The following NHSL1 variants were observed in gnomAD, a reference collection of about 807,000 sequenced individuals.
NHSL1 encodes NHS like 1.
In NHSL1, 48 loss-of-function variants were observed where a neutral mutation model predicts 95.0. The ratio of observed to expected loss-of-function variants is 0.51; its 90% CI spans 0.40 to 0.64. The LOEUF (loss-of-function observed/expected upper bound fraction) is 0.64. Among genes scored for constraint, NHSL1 ranks in the 30% least tolerant of loss-of-function variants. The pLI, the probability that NHSL1 is intolerant of heterozygous loss-of-function variation, is 0.00. For synonymous variants in NHSL1, 783 were observed against 833.9 expected (o/e 0.94, Z 1.05); for missense variants, 1,971 against 2,077.7 (o/e 0.95, Z 1.00).
At chr6:138,569,928 TC>T (rs1475134489) in intron 1 of NHSL1, among the ~76,000 whole-genome samples, 6 of 152,210 alleles carry the variant, frequency 3.9e-5, no homozygotes, top group African/African-American at 1.4e-4. Context: ...CTTCCATTTA[TC>T]TTCATGAAGC....
chr6:138,613,568 G>A (rs946966989), intron 1 of NHSL1, among the ~76,000 whole-genome samples: 1 of 152,170 alleles, frequency 6.6e-6, no homozygotes, highest in African/African-American at 2.4e-5. Flanking sequence ...GTGGAGAGCT[G>A]GAACTGAACA....
intron 1 of NHSL1, among the ~76,000 whole-genome samples, chr6:138,591,507 C>A (rs1784227669): frequency 6.6e-6 from 1 of 152,054 alleles, no homozygotes; most frequent in Non-Finnish European, 1.5e-5. Context: ...GCCTCCACCT[C>A]TAGAGCTCAA....
chr6:138,614,557 C>T (rs985299825), intron 1 of NHSL1, among the ~76,000 whole-genome samples: 1 of 152,228 alleles, frequency 6.6e-6, no homozygotes, highest in African/African-American at 2.4e-5. Context: ...TGAATCCTTT[C>T]AATGACCCTA....
chr6:138,444,592 T>TC, intron 4 of NHSL1, among the ~76,000 whole-genome samples: 1 of 151,960 alleles, frequency 6.6e-6, no homozygotes, highest in Non-Finnish European at 1.5e-5. Flanking sequence ...TTTTTTTTTT[T>TC]TCCTGCTGAG....
chr6:138,442,117 A>G lies in NHSL1; in HGVS notation c.533-3T>C, dbSNP rs1776568783. ...GGCCTGGCGATCGAAATTCTCCCCT[A>G]ATGTAGAGTAGTAGAACAAGCAAAG... is the stretch of plus-strand genomic sequence containing the variant. On this transcript the variant is annotated splice_polypyrimidine_tract_variant and splice_region_variant and intron_variant, in intron 4 of 7. Transcript: ENST00000343505. 1.3e-6 allele frequency: 2 copies of G among 1,546,132 alleles called. No individual in the cohort carries two copies. The highest frequency in any genetic ancestry group is 4.0e-5 in the Admixed American group (2 of 50,028).
chr6:138,685,295 G>A (rs1785571768), intron 1 of NHSL1, among the ~76,000 whole-genome samples: 1 of 152,158 alleles, frequency 6.6e-6, no homozygotes, highest in African/African-American at 2.4e-5. Context: ...TGAGGAGACT[G>A]ATGTTTTGAT....
chr6:138,573,418 A>G (rs1317957893), upstream of NHSL1, among the ~76,000 whole-genome samples: 1 of 152,246 alleles, frequency 6.6e-6, no homozygotes, highest in Non-Finnish European at 1.5e-5. Context: ...TGCTTTACTC[A>G]GCATCGATCA....
chr6:138,431,594 C>T lies in NHSL1; in HGVS notation c.2751G>A (p.Met917Ile). ...SSTSTEGSGT[M>I]KKLDPAVGSP... ...AGCCCACGGCTGGATCCAGCTTCTT[C>T]ATAGTGCCACTTCCTTCAGTAGAAG... The change falls in exon 6 of 8, where the codon ATG becomes ATA. Residue 917 changes from methionine to isoleucine, a missense_variant. Met to Ile is a conservative substitution (Grantham distance 10). Transcript: ENST00000343505. This position sits in a 1 kb window ranked among gnomAD's most constrained non-coding sequence, Gnocchi z 4.0. 2 of 1,551,628 alleles carry T rather than the reference C, an allele frequency of 1.3e-6. No individual in the cohort carries two copies. The highest frequency in any genetic ancestry group is 8.7e-7 in the Non-Finnish European group (1 of 1,146,962).
chr6:138,647,339 T>C (rs1785032692), intron 1 of NHSL1, among the ~76,000 whole-genome samples: 1 of 152,236 alleles, frequency 6.6e-6, no homozygotes, highest in Non-Finnish European at 1.5e-5. Flanking sequence ...GACAATTATC[T>C]TGATGTTTCT....
chr6:138,595,026 G>T (rs1399546058), intron 1 of NHSL1, among the ~76,000 whole-genome samples: 1 of 152,114 alleles, frequency 6.6e-6, no homozygotes, highest in Non-Finnish European at 1.5e-5. Context: ...TTGGACCTTT[G>T]CAAGTCACTT....
intron 1 of NHSL1, among the ~76,000 whole-genome samples, chr6:138,659,449 T>C (rs2114729016): frequency 6.6e-6 from 1 of 152,216 alleles, no homozygotes; most frequent in Admixed American, 6.5e-5. Flanking sequence ...ATGGCAGCTG[T>C]GAAGGAGAAT....
intron 1 of NHSL1, among the ~76,000 whole-genome samples, chr6:138,658,037 A>G (rs1286981855): frequency 2.0e-5 from 3 of 152,096 alleles, no homozygotes; most frequent in Non-Finnish European, 4.4e-5. Flanking sequence ...ATCTTTTGCT[A>G]TCTACAGCCA....
chr6:138,503,910 C>T (rs918188832), upstream of NHSL1, among the ~76,000 whole-genome samples: 1 of 151,726 alleles, frequency 6.6e-6, no homozygotes, highest in African/African-American at 2.4e-5. Flanking sequence ...ATGAACCAGA[C>T]AGGTAAATTT....
chr6:138,608,296 A>G (rs931909345), intron 1 of NHSL1, among the ~76,000 whole-genome samples: 1 of 152,230 alleles, frequency 6.6e-6, no homozygotes, highest in African/African-American at 2.4e-5. Context: ...TCAGTTTCCA[A>G]CGAGATAGCC....
intron 3 of NHSL1, among the ~76,000 whole-genome samples, chr6:138,468,528 T>C (rs1562301173): frequency 6.6e-6 from 1 of 152,162 alleles, no homozygotes; most frequent in African/African-American, 2.4e-5. Flanking sequence ...GCAAACCCTA[T>C]TGTGAACTGT....
chr6:138,570,761 C>T (rs191399725), intron 1 of NHSL1, among the ~76,000 whole-genome samples: 3 of 152,344 alleles, frequency 2.0e-5, no homozygotes, highest in Admixed American at 2.0e-4. Flanking sequence ...AGCACAGGTC[C>T]CTGAAAGACT....
At chr6:138,577,847 T>C (rs540122257) in intron 1 of NHSL1, among the ~76,000 whole-genome samples, 16 of 152,266 alleles carry the variant, frequency 1.1e-4, no homozygotes, top group Non-Finnish European at 1.5e-4. Context: ...ATATTTATAA[T>C]TAAAAAAACA....
intron 1 of NHSL1, among the ~76,000 whole-genome samples, chr6:138,632,242 C>T (rs563365584): frequency 1.4e-4 from 21 of 152,302 alleles, no homozygotes; most frequent in Non-Finnish European, 2.5e-4. Flanking sequence ...GTTTTTGACT[C>T]CAGTCCCTGA....
At chr6:138,550,938 C>T (rs73774831) in intron 1 of NHSL1, among the ~76,000 whole-genome samples, 5,928 of 152,236 alleles carry the variant, frequency 0.039, 372 homozygotes, top group African/African-American at 0.13. Context: ...TTCACCTCAG[C>T]TGCAAAGTAC....
Sources: allele counts gnomAD v4.1 joint callset (sites outside exome capture counted in the v4.1 genomes callset), GRCh38; gene constraint gnomAD v4.1.1; non-coding constraint Gnocchi (gnomAD v3.1); transcripts MANE v1.5; gene names NCBI Gene and HGNC (gene_info 2026-07-23, HGNC 2026-07-21).